The following KLHL22 variants were observed in gnomAD, a reference collection of about 807,000 sequenced individuals.
The protein encoded by KLHL22 is kelch-like protein 22.
In KLHL22, 18 loss-of-function variants were observed where a neutral mutation model predicts 60.7. The observed-to-expected ratio is 0.30, with a 90% CI of 0.20 to 0.44. The LOEUF (loss-of-function observed/expected upper bound fraction) is 0.44. Ranked by LOEUF, KLHL22 falls within the 20% of genes least tolerant of loss-of-function variation. KLHL22 has a pLI of 1.00. For synonymous variants in KLHL22, 355 were observed against 354.5 expected (o/e 1.00, Z -0.01); for missense variants, 596 against 852.3 (o/e 0.70, Z 3.74).
chr22:20,481,647 T>C (rs997614613), intron 2 of KLHL22, among the ~76,000 whole-genome samples: 8 of 152,232 alleles, frequency 5.3e-5, no homozygotes, highest in Non-Finnish European at 1.0e-4. Flanking sequence ...CAAGCTGGAC[T>C]GTAGTGGGAC....
intron 4 of KLHL22, among the ~76,000 whole-genome samples, chr22:20,460,265 C>T (rs2053130623): frequency 6.6e-6 from 1 of 152,162 alleles, no homozygotes; most frequent in Admixed American, 6.5e-5. Context: ...GTCTATTGTC[C>T]TCACAGCTTT....
intron 4 of KLHL22, among the ~76,000 whole-genome samples, chr22:20,459,998 GAC>G (rs770251736): frequency 7.2e-5 from 11 of 152,108 alleles, no homozygotes; most frequent in Non-Finnish European, 1.0e-4. Flanking sequence ...CAGGGTCTGA[GAC>G]CTGCATGACC....
intron 2 of KLHL22, among the ~76,000 whole-genome samples, chr22:20,484,373 C>CA (rs541291992): frequency 2.0e-3 from 297 of 152,280 alleles, no homozygotes; most frequent in Non-Finnish European, 3.2e-3. Context: ...CAGCTCACTA[C>CA]AACCTCCACC....
At chr22:20,475,387 T>C (rs2053395380) in intron 2 of KLHL22, 1 of 152,158 alleles carries the variant, frequency 6.6e-6, no homozygotes, top group Non-Finnish European at 1.5e-5. Context: ...AAAGGCTTTT[T>C]CTTTCTGAGA....
chr22:20,476,889 T>G (rs1173366507), intron 2 of KLHL22, among the ~76,000 whole-genome samples: 1 of 150,784 alleles, frequency 6.6e-6, no homozygotes, highest in East Asian at 2.0e-4. Flanking sequence ...GTATTTTTAG[T>G]AGAGACAGGG....
At chr22:20,459,805 G>T (rs2053123525) in intron 4 of KLHL22, among the ~76,000 whole-genome samples, 1 of 152,194 alleles carries the variant, frequency 6.6e-6, no homozygotes, top group Admixed American at 6.5e-5. Context: ...GCCTCAAGAG[G>T]TCAGGGCCCT....
chr22:20,454,095 G>A (rs961893814), intron 5 of KLHL22, among the ~76,000 whole-genome samples: 26 of 152,160 alleles, frequency 1.7e-4, no homozygotes, highest in African/African-American at 6.0e-4. Context: ...CACTTTGGCC[G>A]AGGCAGACAG....
In KLHL22 at chr22:20,451,764, C is replaced by T. The variant is rs143435066; in HGVS notation, c.1306-5088G>A. 6,472 of 1,586,164 alleles carry T rather than the reference C, an allele frequency of 4.1e-3. 50 individuals are homozygous for T. Among genetic ancestry groups the T allele is most frequent in the South Asian group, 0.019 (1,688 of 90,536 alleles). The stretch of plus-strand genomic sequence containing the variant: ...ACCCTATCATCAACAGCTGGGAAGT[C>T]GTGACATCCATGGGAACCCAGCGCT... On this transcript the variant is annotated intron_variant, in intron 5 of 6. Coordinates refer to ENST00000328879, the MANE Select transcript of KLHL22 (RefSeq NM_032775.4).
intron 1 of KLHL22, chr22:20,493,141 T>G (rs1018611672): frequency 4.2e-6 from 2 of 470,936 alleles, no homozygotes; most frequent in Non-Finnish European, 8.8e-6. Flanking sequence ...CCCAGGTGGA[T>G]CCTCACCTTC....
chr22:20,466,788 G>A (rs1221674079), intron 3 of KLHL22, among the ~76,000 whole-genome samples: 1 of 152,170 alleles, frequency 6.6e-6, no homozygotes, highest in Non-Finnish European at 1.5e-5. Context: ...GGGTTCTTGA[G>A]GTTCCCAGCT....
rs1422552158 is a variant in KLHL22 at position 20,453,840 on chromosome 22, T to C, written c.1305+3968A>G. 4.6e-5 allele frequency among the ~76,000 whole-genome samples: 7 copies of C among 152,152 alleles called. No individual in the cohort carries two copies. In the East Asian group the frequency reaches 1.4e-3, roughly 29 times the overall value. ...ACCTCTGCCTCCTGGGTTCAATCCA[T>C]TCTTGTGCCTCAGCCTCCCCAGTAG... On this transcript the variant is annotated intron_variant, in intron 5 of 6. Transcript: ENST00000328879.
chr22:20,492,912 C>T (rs1034032976), intron 1 of KLHL22, among the ~76,000 whole-genome samples: 5 of 152,138 alleles, frequency 3.3e-5, no homozygotes, highest in East Asian at 3.8e-4. Context: ...TATTTACCCA[C>T]GACAAGGAGA....
intron 3 of KLHL22, among the ~76,000 whole-genome samples, chr22:20,468,784 C>T (rs1037482901): frequency 2.0e-5 from 3 of 152,094 alleles, no homozygotes; most frequent in Non-Finnish European, 2.9e-5. Context: ...CTCAGCCTCC[C>T]GAGTAGCTGG....
intron 2 of KLHL22, among the ~76,000 whole-genome samples, chr22:20,476,952 C>T (rs2146257624): frequency 6.6e-6 from 1 of 151,630 alleles, no homozygotes; most frequent in South Asian, 2.1e-4. Context: ...TGTGATCCAC[C>T]CACCTCGGCC....
intron 2 of KLHL22, among the ~76,000 whole-genome samples, chr22:20,476,505 C>G (rs1043517968): frequency 6.8e-6 from 1 of 147,944 alleles, no homozygotes. Flanking sequence ...TTCCGCCCCC[C>G]GGGGTTCACA....
intron 2 of KLHL22, among the ~76,000 whole-genome samples, chr22:20,484,711 T>G (rs1021977200): frequency 1.3e-5 from 2 of 149,864 alleles, no homozygotes; most frequent in African/African-American, 2.5e-5. Context: ...GGATTATAGG[T>G]GTGAGCCACT....
At chr22:20,447,311 G>T (rs2052883104) in intron 5 of KLHL22, among the ~76,000 whole-genome samples, 1 of 152,160 alleles carries the variant, frequency 6.6e-6, no homozygotes, top group African/African-American at 2.4e-5. Flanking sequence ...ACACCCAGCA[G>T]GCCAACAGAA....
chr22:20,489,330 T>C, intron 1 of KLHL22, 86 bp from the exon 2 acceptor site: 1 of 959,134 alleles, frequency 1.0e-6, no homozygotes. Context: ...GTTGCTCCCC[T>C]TGCTCCTGTG....
At chr22:20,468,429 C>T (rs1396961128) in intron 3 of KLHL22, among the ~76,000 whole-genome samples, 1 of 152,210 alleles carries the variant, frequency 6.6e-6, no homozygotes, top group Non-Finnish European at 1.5e-5. Flanking sequence ...ACGAGGCTCA[C>T]AGAAGGGACT....
Sources: gnomAD v4.1 joint callset for allele counts (sites outside exome capture counted in the v4.1 genomes callset) on GRCh38, gnomAD v4.1.1 for gene constraint, MANE v1.5 for transcripts, NCBI Gene and HGNC (gene_info 2026-07-23, HGNC 2026-07-21) for gene names.